The following BTRC variants were observed in gnomAD, a reference collection of about 807,000 sequenced individuals.
BTRC encodes F-box/WD repeat-containing protein 1A.
BTRC carries 42 observed loss-of-function variants against 85.5 expected under a neutral mutation model. The observed-to-expected ratio is 0.49, with a 90% CI of 0.38 to 0.64. The LOEUF (loss-of-function observed/expected upper bound fraction) is 0.64. Among genes scored for constraint, BTRC ranks in the 30% least tolerant of loss-of-function variants. BTRC has a pLI of 0.00. For synonymous variants in BTRC, 255 were observed against 263.3 expected, an observed-to-expected ratio of 0.97 and a Z score of 0.30; for missense variants, 594 against 743.5, an observed-to-expected ratio of 0.80 and a Z score of 2.34.
In BTRC at chr10:101,531,342, CTA is replaced by C. The variant is rs1458738537; in HGVS notation, c.840+11_840+12del. On this transcript the variant is annotated intron_variant, in intron 7 of 14. Coordinates refer to ENST00000370187, the MANE Select transcript of BTRC (RefSeq NM_033637.4). ...TTATACAAGACATTGAGGTAAGAAT[CTA>C]TGTATTTTGGGGTATTGCCCAAGGG... 6.3e-7 allele frequency: 1 copy of C among 1,575,112 alleles called. No individual in the cohort carries two copies. The highest frequency in any genetic ancestry group is 1.1e-5 in the South Asian group (1 of 89,268).
chr10:101,526,449 C>T (rs2062192178), intron 6 of BTRC, among the ~76,000 whole-genome samples: 1 of 152,142 alleles, frequency 6.6e-6, no homozygotes, highest in African/African-American at 2.4e-5. Context: ...GCTGATCAGC[C>T]CTCCTGTTTA....
intron 1 of BTRC, among the ~76,000 whole-genome samples, chr10:101,358,299 G>A (rs779753566): frequency 4.5e-4 from 69 of 151,984 alleles, no homozygotes; most frequent in Non-Finnish European, 2.5e-4. Context: ...GACAAGGGTC[G>A]CCCTTTGTTG....
chr10:101,427,978 G>A (rs1589454021), intron 1 of BTRC, among the ~76,000 whole-genome samples: 1 of 152,160 alleles, frequency 6.6e-6, no homozygotes, highest in East Asian at 1.9e-4. Flanking sequence ...TGAGTAGAAT[G>A]TGATTCTCAA....
At chr10:101,477,165 C>CT (rs1487714840) in intron 3 of BTRC, among the ~76,000 whole-genome samples, 4 of 151,646 alleles carry the variant, frequency 2.6e-5, no homozygotes, top group African/African-American at 7.3e-5. Context: ...TTTTTATTTT[C>CT]TTTTTTTGTA....
intron 3 of BTRC, among the ~76,000 whole-genome samples, chr10:101,475,375 AC>A (rs1945650477): frequency 6.6e-6 from 1 of 152,124 alleles, no homozygotes; most frequent in South Asian, 2.1e-4. Flanking sequence ...CCCTGTCTCT[AC>A]TAAAAATACA....
chr10:101,366,995 AAT>A (rs1491451101), intron 1 of BTRC, among the ~76,000 whole-genome samples: 1,466 of 32,640 alleles, frequency 0.045, 196 homozygotes, highest in African/African-American at 0.12. Flanking sequence ...TATATATATT[AAT>A]ATATATATTT....
At chr10:101,541,115 G>A (rs1181399497) in intron 13 of BTRC, among the ~76,000 whole-genome samples, 1 of 132,214 alleles carries the variant, frequency 7.6e-6, no homozygotes, top group African/African-American at 2.8e-5. Context: ...TTTCTTAATT[G>A]CACTGGCTAA....
chr10:101,537,859 C>G (rs1038738137), intron 12 of BTRC, among the ~76,000 whole-genome samples: 111 of 152,282 alleles, frequency 7.3e-4, no homozygotes, highest in African/African-American at 2.6e-3. Flanking sequence ...TGCTATGTAC[C>G]TTGAGGAAAC....
At chr10:101,401,734 A>T (rs1220018917) in intron 1 of BTRC, among the ~76,000 whole-genome samples, 1 of 151,350 alleles carries the variant, frequency 6.6e-6, no homozygotes, top group African/African-American at 2.4e-5. Flanking sequence ...GCACTTTCTG[A>T]GGCTGAGTCG....
At chr10:101,372,975 T>TTA (rs1176966639) in intron 1 of BTRC, among the ~76,000 whole-genome samples, 2 of 152,326 alleles carry the variant, frequency 1.3e-5, no homozygotes, top group African/African-American at 2.4e-5. Context: ...TTAACACTAT[T>TTA]GAGTTTCATA....
At chr10:101,411,838 G>T (rs1943788617) in intron 1 of BTRC, among the ~76,000 whole-genome samples, 1 of 151,948 alleles carries the variant, frequency 6.6e-6, no homozygotes, top group African/African-American at 2.4e-5. Flanking sequence ...TTGAATATTT[G>T]TATTTTAAAA....
At chr10:101,547,721 A>G (rs546092988) in intron 13 of BTRC, among the ~76,000 whole-genome samples, 1 of 152,330 alleles carries the variant, frequency 6.6e-6, no homozygotes, top group East Asian at 1.9e-4. Context: ...TGCCAATAAA[A>G]TGTAGTAACT....
At chr10:101,549,472 T>C (rs2062611766) in intron 13 of BTRC, among the ~76,000 whole-genome samples, 2 of 151,470 alleles carry the variant, frequency 1.3e-5, no homozygotes, top group African/African-American at 2.4e-5. Flanking sequence ...CCCAGCACTT[T>C]GGGAGGCCGA....
chr10:101,463,601 C>A (rs1467860200), intron 3 of BTRC, among the ~76,000 whole-genome samples: 1 of 151,886 alleles, frequency 6.6e-6, no homozygotes, highest in African/African-American at 2.4e-5. Context: ...TTGTTGAGCA[C>A]CCACCGTGAA....
chr10:101,508,696 C>T (rs749025369), intron 4 of BTRC, among the ~76,000 whole-genome samples: 3 of 151,978 alleles, frequency 2.0e-5, no homozygotes, highest in Non-Finnish European at 4.4e-5. Flanking sequence ...GGGCAGATCA[C>T]GAGGTCAGGA....
intron 1 of BTRC, among the ~76,000 whole-genome samples, chr10:101,380,559 G>A (rs1220646816): frequency 6.6e-6 from 1 of 152,038 alleles, no homozygotes; most frequent in Non-Finnish European, 1.5e-5. Context: ...TCCCAGACAG[G>A]GCAGCGGCTA....
chr10:101,375,880 A>G (rs1464037725), intron 1 of BTRC, among the ~76,000 whole-genome samples: 9 of 152,202 alleles, frequency 5.9e-5, no homozygotes, highest in Non-Finnish European at 5.9e-5. Context: ...GTTTCTCAGG[A>G]TCATGCTTTG....
At chr10:101,500,706 T>C (rs768556077) in intron 4 of BTRC, among the ~76,000 whole-genome samples, 40 of 152,076 alleles carry the variant, frequency 2.6e-4, no homozygotes, top group Non-Finnish European at 5.3e-4. Context: ...CCTTAAAGCT[T>C]TTAAGATTTT....
At chr10:101,450,257 A>G (rs1251728717) in intron 2 of BTRC, among the ~76,000 whole-genome samples, 1 of 152,232 alleles carries the variant, frequency 6.6e-6, no homozygotes, top group African/African-American at 2.4e-5. Flanking sequence ...TTCACAAAAC[A>G]GATAACTGTT....
Sources: gnomAD v4.1 joint callset for allele counts (sites outside exome capture counted in the v4.1 genomes callset) on GRCh38, gnomAD v4.1.1 for gene constraint, MANE v1.5 for transcripts, NCBI Gene and HGNC (gene_info 2026-07-23, HGNC 2026-07-21) for gene names.